The following ZNF407 variants were observed in gnomAD, a reference collection of about 807,000 sequenced individuals.
ZNF407 encodes the protein zinc finger protein 407.
ZNF407 carries 17 observed loss-of-function variants against 131.2 expected under a neutral mutation model. That is an observed-to-expected ratio of 0.13 (90% CI 0.09 to 0.19). The LOEUF (loss-of-function observed/expected upper bound fraction) is 0.19. ZNF407 is among the 10% of genes least tolerant of loss of function. The probability of loss-of-function intolerance (pLI) is 1.00; values close to 1 mark genes in which losing one functional copy is unlikely to be tolerated. For synonymous variants in ZNF407, 1,156 were observed against 1,062.0 expected (o/e 1.09, Z -1.72); for missense variants, 2,681 against 2,830.6 (o/e 0.95, Z 1.20).
intron 1 of ZNF407, 150 bp downstream of exon 1, chr18:74,598,087 C>T (rs1159557621): frequency 6.6e-6 from 1 of 151,414 alleles, no homozygotes; most frequent in Admixed American, 6.6e-5. Context: ...CTCCTCCCCC[C>T]TCCCCCCGCC....
intron 4 of ZNF407, among the ~76,000 whole-genome samples, chr18:74,801,201 C>T (rs766422150): frequency 1.1e-4 from 17 of 152,026 alleles, no homozygotes; most frequent in Non-Finnish European, 2.4e-4. Context: ...TTGTTTTTCT[C>T]TTGAGTATGA....
intron 8 of ZNF407, among the ~76,000 whole-genome samples, chr18:74,980,373 C>T (rs938890011): frequency 6.6e-6 from 1 of 151,654 alleles, no homozygotes; most frequent in African/African-American, 2.4e-5. Flanking sequence ...AACGGCGTGA[C>T]CTCAGCTCAC....
intron 8 of ZNF407, among the ~76,000 whole-genome samples, chr18:75,016,927 A>G (rs1973051357): frequency 6.6e-6 from 1 of 152,142 alleles, no homozygotes; most frequent in African/African-American, 2.4e-5. Flanking sequence ...GCAGGATTTT[A>G]TCTTAGCTTA....
intron 8 of ZNF407, among the ~76,000 whole-genome samples, chr18:75,039,414 G>A (rs374335503): frequency 6.6e-6 from 1 of 152,148 alleles, no homozygotes; most frequent in Non-Finnish European, 1.5e-5. Context: ...ATCATGGGAC[G>A]TGTCTCATCA....
In ZNF407 at chr18:74,866,802, ATTATT is replaced by A. The variant is rs1433336312; in HGVS notation, c.4878-10384_4878-10380del. ...GTATTCATTATATTTTATTCATTATATTATTTTATTTTATTCATTATATTATTTTA... is the reference window on the plus strand; with the variant it reads ...GTATTCATTATATTTTATTCATTATATTATTTTATTCATTATATTATTTTA... On this transcript the variant is annotated intron_variant, in intron 4 of 8. Transcript: ENST00000299687. Among the ~76,000 whole-genome samples, 62 of 148,450 alleles carry A rather than the reference ATTATT, an allele frequency of 4.2e-4. 1 individual carries two copies. The highest frequency in any genetic ancestry group is 1.4e-3 in the African/African-American group (59 of 40,942).
In ZNF407 at chr18:74,853,029, G is replaced by A. The variant is rs145042196; in HGVS notation, c.4878-24168G>A. ...GATTCCTTAAGGAACAAGAAACTGTGGCTAGTTTCTAAGTGTGGATCATGT... is the reference window on the plus strand; with the variant it reads ...GATTCCTTAAGGAACAAGAAACTGTAGCTAGTTTCTAAGTGTGGATCATGT... On this transcript the variant is annotated intron_variant, in intron 4 of 8. Transcript: ENST00000299687. Among the ~76,000 whole-genome samples, 505 of 152,226 alleles carry A rather than the reference G, an allele frequency of 3.3e-3. 3 individuals carry two copies. The highest frequency in any genetic ancestry group is 0.012 in the African/African-American group (492 of 41,532).
chr18:74,807,573 G>A (rs1401746282), intron 4 of ZNF407, among the ~76,000 whole-genome samples: 1 of 152,172 alleles, frequency 6.6e-6, no homozygotes, highest in Non-Finnish European at 1.5e-5. Flanking sequence ...ACAGAAGTTG[G>A]ACAGGATATA....
At chr18:75,043,612 A>T (rs561128816) in intron 8 of ZNF407, among the ~76,000 whole-genome samples, 1 of 152,132 alleles carries the variant, frequency 6.6e-6, no homozygotes, top group East Asian at 1.9e-4. Flanking sequence ...CTGCATCTCT[A>T]TTAAACATGT....
chr18:74,954,090 T>G (rs766151534), intron 8 of ZNF407, among the ~76,000 whole-genome samples: 1 of 152,256 alleles, frequency 6.6e-6, no homozygotes, highest in Non-Finnish European at 1.5e-5. Flanking sequence ...TCTATTGACT[T>G]TTCCAATATT....
At chr18:74,691,299 A>G (rs570668742) in intron 3 of ZNF407, among the ~76,000 whole-genome samples, 6 of 151,790 alleles carry the variant, frequency 4.0e-5, no homozygotes, top group Admixed American at 3.9e-4. Context: ...ATAATAATAA[A>G]TAATAAAGAA....
At chr18:74,692,926 T>C (rs1435221190) in intron 3 of ZNF407, among the ~76,000 whole-genome samples, 1 of 152,216 alleles carries the variant, frequency 6.6e-6, no homozygotes, top group Non-Finnish European at 1.5e-5. Context: ...GGTAGCAGTT[T>C]GGCTTTGTGC....
chr18:74,684,044 C>T (rs1306404321), intron 3 of ZNF407, among the ~76,000 whole-genome samples: 1 of 152,088 alleles, frequency 6.6e-6, no homozygotes, highest in Non-Finnish European at 1.5e-5. Flanking sequence ...ATAATGTTTT[C>T]TGTGATATCA....
At chr18:74,751,275 T>C (rs1305539271) in intron 3 of ZNF407, among the ~76,000 whole-genome samples, 1 of 152,180 alleles carries the variant, frequency 6.6e-6, no homozygotes, top group East Asian at 1.9e-4. Context: ...GAATTACTTT[T>C]TGGATATATC....
chr18:74,880,471 G>C (rs1377635641), intron 5 of ZNF407, among the ~76,000 whole-genome samples: 1 of 152,060 alleles, frequency 6.6e-6, no homozygotes, highest in Non-Finnish European at 1.5e-5. Flanking sequence ...ATTGCTACTG[G>C]TACTAATATA....
intron 3 of ZNF407, among the ~76,000 whole-genome samples, chr18:74,715,449 T>C (rs1456517461): frequency 2.6e-5 from 4 of 152,190 alleles, no homozygotes; most frequent in African/African-American, 9.7e-5. Context: ...TGTGATGCAG[T>C]GCGAGCGGTG....
intron 1 of ZNF407, among the ~76,000 whole-genome samples, chr18:74,601,599 C>G (rs1478725885): frequency 6.6e-6 from 1 of 152,154 alleles, no homozygotes; most frequent in Non-Finnish European, 1.5e-5. Flanking sequence ...CCTCAGGAAG[C>G]TCTCCATCAT....
intron 1 of ZNF407, among the ~76,000 whole-genome samples, chr18:74,622,488 CTGGA>C (rs1408446191): frequency 9.1e-5 from 4 of 44,030 alleles, no homozygotes; most frequent in Non-Finnish European, 1.9e-4. Flanking sequence ...GTCATCACTT[CTGGA>C]TTCGTCCTTT....
rs139887864 is a variant in ZNF407 at position 74,772,837 on chromosome 18, CA to C, written c.4803-8590del. On this transcript the variant is annotated intron_variant, in intron 3 of 8. Transcript: ENST00000299687. ...GAGAGTGCCTTGTAGCTGTGGTACT[CA>C]GACATAATGGTTTGAACTAGTTCAT... Among the ~76,000 whole-genome samples the C allele has an allele frequency of 4.7e-3, 722 of 152,014 alleles. 3 individuals carry two copies. The highest frequency in any genetic ancestry group is 0.016 in the African/African-American group (675 of 41,472).
rs1031661791 is a variant in ZNF407 at position 74,887,930 on chromosome 18, G to A, written c.5129-1988G>A. 4.5e-4 allele frequency among the ~76,000 whole-genome samples: 69 copies of A among 152,248 alleles called. 1 individual carries two copies. Among genetic ancestry groups the A allele is most frequent in the African/African-American group, 1.5e-3 (64 of 41,546 alleles). On this transcript the variant is annotated intron_variant, in intron 6 of 8. Coordinates refer to ENST00000299687, the MANE Select transcript of ZNF407 (RefSeq NM_017757.3). Reference sequence around the variant, plus strand: ...AATACCACCAAATGGGTTGTGTATGGATTCAGTTAAATGTTACTACAATTA... The same window carrying A: ...AATACCACCAAATGGGTTGTGTATGAATTCAGTTAAATGTTACTACAATTA...
Sources: allele counts gnomAD v4.1 joint callset (sites outside exome capture counted in the v4.1 genomes callset), GRCh38; gene constraint gnomAD v4.1.1; transcripts MANE v1.5; gene names NCBI Gene and HGNC (gene_info 2026-07-23, HGNC 2026-07-21).